The following ATG7 variants were observed in gnomAD, a reference collection of about 807,000 sequenced individuals.
ATG7 encodes the protein autophagy related 7.
Under a neutral mutation model 82.4 loss-of-function variants are expected in ATG7, and 70 were observed. The ratio of observed to expected loss-of-function variants is 0.85; its 90% CI spans 0.70 to 1.04. The LOEUF is 1.04. Ranked by LOEUF, ATG7 falls within the 50% of genes least tolerant of loss-of-function variation. The pLI, the probability that ATG7 is intolerant of heterozygous loss-of-function variation, is 0.00. For missense variants in ATG7, 792 were observed against 864.3 expected (o/e 0.92, Z 1.05); for synonymous variants, 287 against 313.0 (o/e 0.92, Z 0.88).
At chr3:11,513,752 G>A (rs2092167248) in intron 20 of ATG7, among the ~76,000 whole-genome samples, 1 of 151,816 alleles carries the variant, frequency 6.6e-6, no homozygotes, top group South Asian at 2.1e-4. Flanking sequence ...CCAGGCAGAG[G>A]AGGCGCTGAG....
chr3:11,309,098 GA>G lies in ATG7; in HGVS notation c.411+40del, dbSNP rs751875833. 1.5e-5 allele frequency: 23 copies of G among 1,564,040 alleles called. 1 individual carries two copies. In the Admixed American group the frequency reaches 3.5e-4, roughly 24 times the overall value. Reference sequence around the variant, plus strand: ...GGCTCTCGGTTGCACCGAGGTTGGTGAAATCCCCTGGCTTAGCCCAGTGTAC... The same window carrying G: ...GGCTCTCGGTTGCACCGAGGTTGGTGAATCCCCTGGCTTAGCCCAGTGTAC... On this transcript the variant is annotated intron_variant, in intron 7 of 20. Coordinates refer to ENST00000693202, the MANE Select transcript of ATG7 (RefSeq NM_001349232.2).
chr3:11,371,525 A>G (rs2076996772), intron 18 of ATG7, among the ~76,000 whole-genome samples: 1 of 150,634 alleles, frequency 6.6e-6, no homozygotes, highest in Non-Finnish European at 1.5e-5. Flanking sequence ...TGGGAATAGG[A>G]TTTGAGTCGT....
the ATG7 span, among the ~76,000 whole-genome samples, chr3:11,573,383 GAAAGAAAGAAAGAAAA>G: frequency 1.4e-5 from 2 of 145,984 alleles, no homozygotes; most frequent in African/African-American, 5.0e-5. Flanking sequence ...AAGAAAGAAA[GAAAGAAAGAAAGAAAA>G]TGGCCCCATA....
intron 20 of ATG7, among the ~76,000 whole-genome samples, chr3:11,533,509 T>G (rs1370165760): frequency 6.8e-6 from 1 of 147,508 alleles, no homozygotes; most frequent in Non-Finnish European, 1.5e-5. Context: ...CCAGGTAGTT[T>G]GGGACCACAG....
rs944905298 is a variant in ATG7 at position 11,511,828 on chromosome 3, C to T, written c.2080-42983C>T. ...GGGTACTCAGTACACCCTCCGCAGC[C>T]ACTGGCCCAGGTGCTAAGTCCCCCA... On this transcript the variant is annotated intron_variant, in intron 20 of 20. Coordinates refer to ENST00000693202, the MANE Select transcript of ATG7 (RefSeq NM_001349232.2). Among the ~76,000 whole-genome samples the T allele has an allele frequency of 7.2e-5, 11 of 152,186 alleles. No individual in the cohort carries two copies. In the East Asian group the frequency reaches 2.1e-3, roughly 29 times the overall value.
intron 14 of ATG7, among the ~76,000 whole-genome samples, chr3:11,352,708 T>C (rs1012091418): frequency 2.6e-4 from 39 of 152,228 alleles, no homozygotes; most frequent in South Asian, 2.1e-4. Flanking sequence ...GAATTATAAT[T>C]GAAATACTAA....
chr3:11,434,649 CAG>C (rs2083209873), intron 20 of ATG7, among the ~76,000 whole-genome samples: 2 of 152,138 alleles, frequency 1.3e-5, no homozygotes, highest in African/African-American at 4.8e-5. Context: ...TATTTGCTGT[CAG>C]AGTTATCTAC....
In ATG7 at chr3:11,309,176, A is replaced by C. The variant is rs1948239944; in HGVS notation, c.411+115A>C. ...GAAGCTACTACCTTCTGTTACTTAA[A>C]TAATAGCTGTTAACGAAACGCTCAT... On this transcript the variant is annotated intron_variant, in intron 7 of 20. Transcript: ENST00000693202. 6 of 1,026,160 alleles carry C rather than the reference A, an allele frequency of 5.8e-6. No homozygotes were observed. In the East Asian group the frequency reaches 1.4e-4, roughly 24 times the overall value. The allele number at this position is 1,026,160 out of a possible 1,614,324, so 63.6% of individuals were successfully genotyped here. A position where few individuals can be genotyped will look rare whatever the true frequency, so the allele number is the denominator to read the frequency against.
intron 19 of ATG7, among the ~76,000 whole-genome samples, chr3:11,385,366 C>T (rs1467172755): frequency 6.6e-6 from 1 of 152,196 alleles, no homozygotes; most frequent in Admixed American, 6.5e-5. Flanking sequence ...TGTCCCAAAG[C>T]AACTTGTCAC....
intron 19 of ATG7, among the ~76,000 whole-genome samples, chr3:11,388,078 A>G (rs1240839999): frequency 2.0e-5 from 3 of 152,156 alleles, no homozygotes; most frequent in Admixed American, 1.3e-4. Flanking sequence ...CTTTGGTACC[A>G]TTCCCAAGCT....
chr3:11,374,212 A>G (rs2077226497), intron 18 of ATG7, among the ~76,000 whole-genome samples: 3 of 152,254 alleles, frequency 2.0e-5, no homozygotes, highest in Admixed American at 2.0e-4. Context: ...CAAACTTAGT[A>G]CAAATCTACT....
chr3:11,294,455 C>T (rs1945519943), intron 3 of ATG7, among the ~76,000 whole-genome samples: 1 of 152,002 alleles, frequency 6.6e-6, no homozygotes, highest in Non-Finnish European at 1.5e-5. Context: ...AACTCCTAAC[C>T]TCAGGCGATC....
At chr3:11,573,302 AGAAAGGAAGG>A in the ATG7 span, among the ~76,000 whole-genome samples, 2 of 10,474 alleles carry the variant, frequency 1.9e-4, no homozygotes, top group Admixed American at 1.1e-3. Flanking sequence ...AAAGAAAGAA[AGAAAGGAAGG>A]AAGGAAGAAA....
rs139477323 is a variant in ATG7 at position 11,363,855 on chromosome 3, A to G, written c.1800-804A>G. ...TGTGTGACTCAAAGCTTTCCTCAGC[A>G]GTTGAAAATTGTGGTTGTATATGTA... On this transcript the variant is annotated intron_variant, in intron 17 of 20. Transcript: ENST00000693202. Among the ~76,000 whole-genome samples the G allele has an allele frequency of 9.5e-4, 145 of 152,360 alleles. 1 individual carries two copies. Among genetic ancestry groups the G allele is most frequent in the African/African-American group, 2.9e-3 (122 of 41,582 alleles).
chr3:11,414,721 A>G (rs1487305187), intron 19 of ATG7, among the ~76,000 whole-genome samples: 1 of 152,172 alleles, frequency 6.6e-6, no homozygotes, highest in African/African-American at 2.4e-5. Context: ...TTCTTTATCA[A>G]GTTGAAGTTT....
At chr3:11,339,637 G>A (rs1308715741) in intron 11 of ATG7, among the ~76,000 whole-genome samples, 5 of 152,240 alleles carry the variant, frequency 3.3e-5, no homozygotes, top group African/African-American at 9.6e-5. Flanking sequence ...TCATTAACAT[G>A]AGAAGGTAGC....
chr3:11,500,766 G>A (rs1473226538), intron 20 of ATG7, among the ~76,000 whole-genome samples: 2 of 152,170 alleles, frequency 1.3e-5, no homozygotes, highest in South Asian at 2.1e-4. Flanking sequence ...GAGTAGCTGG[G>A]ACTACAGGCG....
chr3:11,393,215 A>C (rs546188506), intron 19 of ATG7, among the ~76,000 whole-genome samples: 1 of 152,332 alleles, frequency 6.6e-6, no homozygotes, highest in South Asian at 2.1e-4. Context: ...ATTTCCAGCC[A>C]ACACATATAT....
intron 20 of ATG7, among the ~76,000 whole-genome samples, chr3:11,455,039 C>T (rs943442381): frequency 2.0e-5 from 3 of 152,134 alleles, no homozygotes; most frequent in African/African-American, 4.8e-5. Flanking sequence ...TTATTTCTCT[C>T]GAGTACAGTT....
Sources: allele counts gnomAD v4.1 joint callset (sites outside exome capture counted in the v4.1 genomes callset), GRCh38; gene constraint gnomAD v4.1.1; transcripts MANE v1.5; gene names NCBI Gene and HGNC (gene_info 2026-07-23, HGNC 2026-07-21).